The following ATN1 variants were observed in gnomAD, a reference collection of about 807,000 sequenced individuals.
ATN1 encodes atrophin 1, also known as atrophin-1.
ATN1 carries 19 observed loss-of-function variants against 85.8 expected under a neutral mutation model. The observed-to-expected ratio is 0.22, with a 90% CI of 0.15 to 0.32. ATN1 has a LOEUF of 0.32. Ranked by LOEUF, ATN1 falls within the 10% of genes least tolerant of loss-of-function variation. ATN1 has a pLI of 1.00. For missense variants in ATN1, 1,453 were observed against 1,564.5 expected, an observed-to-expected ratio of 0.93 and a Z score of 1.20; for synonymous variants, 674 against 657.0, an observed-to-expected ratio of 1.03 and a Z score of -0.39.
rs1945636269 is a variant in ATN1, at chr12:6,941,611, G to A, written c.3539+57G>A. 1 of 1,606,528 alleles carries A rather than the reference G, an allele frequency of 6.2e-7. No individual in the cohort carries two copies. The highest frequency in any genetic ancestry group is 1.3e-5 in the African/African-American group (1 of 74,728). On this transcript the variant is annotated intron_variant, in intron 9 of 9. Coordinates refer to ENST00000396684, the MANE Select transcript of ATN1 (RefSeq NM_001940.4). The surrounding 1 kb of genome is among the most constrained non-coding windows in gnomAD (Gnocchi z 5.9). ...GGGCTCAGCGAGCCTGGGAGGAGCT[G>A]TGGGCATGGTACGGCTGGGCACCGT...
Position 6,941,818 on chromosome 12 carries a change from G to A in ATN1, c.*38G>A. 1 of 1,609,842 alleles carries A rather than the reference G, an allele frequency of 6.2e-7. No individual in the cohort carries two copies. On this transcript the variant is annotated 3_prime_UTR_variant, in exon 10 of 10. Coordinates refer to ENST00000396684, the MANE Select transcript of ATN1 (RefSeq NM_001940.4). This position sits in a 1 kb window ranked among gnomAD's most constrained non-coding sequence, Gnocchi z 5.9. ...AGAGAGCACCATGGCTCCTACATTG[G>A]ACCTTGGAGCACCCCCACCCTCCCC...
chr12:6,927,523 C>T (rs1051520652), upstream of ATN1, among the ~76,000 whole-genome samples: 3 of 152,020 alleles, frequency 2.0e-5, no homozygotes, highest in Admixed American at 6.5e-5. Flanking sequence ...ACAGCCCCTC[C>T]TACCTAGCCC....
chr12:6,934,359 G>A lies in ATN1; in HGVS notation c.165+46G>A. Reference sequence around the variant, plus strand: ...CCCACAGGATGCCCAAGGCACTGGGGCTGAGGGTGTGTGTGTGTTGTGGGG... The same window carrying A: ...CCCACAGGATGCCCAAGGCACTGGGACTGAGGGTGTGTGTGTGTTGTGGGG... On this transcript the variant is annotated intron_variant, in intron 3 of 9. Transcript: ENST00000396684. This position sits in a 1 kb window ranked among gnomAD's most constrained non-coding sequence, Gnocchi z 4.5. 6 of 1,590,622 alleles carry A rather than the reference G, an allele frequency of 3.8e-6. No homozygotes were observed. Among genetic ancestry groups the A allele is most frequent in the Non-Finnish European group, 4.3e-6 (5 of 1,168,740 alleles).
chr12:6,931,318 T>G (rs782702306), intron 1 of ATN1, among the ~76,000 whole-genome samples: 9 of 149,184 alleles, frequency 6.0e-5, no homozygotes, highest in African/African-American at 2.0e-4. Context: ...ATGGTGGGTG[T>G]TGTTCTTCGG....
intron 7 of ATN1, among the ~76,000 whole-genome samples, 153 bp downstream of exon 7, chr12:6,939,330 C>G (rs781931369): frequency 6.6e-6 from 1 of 152,356 alleles, no homozygotes; most frequent in African/African-American, 2.4e-5. Flanking sequence ...CCCTGACGTT[C>G]TCTCAGCCTT....
chr12:6,928,878 C>T (rs1254679722), intron 1 of ATN1, among the ~76,000 whole-genome samples: 1 of 151,912 alleles, frequency 6.6e-6, no homozygotes, highest in Non-Finnish European at 1.5e-5. Context: ...TAGGAATAGA[C>T]GGGAAGTGGG....
chr12:6,936,666 G>A lies in ATN1; in HGVS notation c.1399G>A (p.Gly467Arg). 8 of 1,613,250 alleles carry A rather than the reference G, an allele frequency of 5.0e-6. No individual in the cohort carries two copies. Among genetic ancestry groups the A allele is most frequent in the Non-Finnish European group, 6.8e-6 (8 of 1,179,870 alleles). Residue 467 changes from glycine to arginine, a missense_variant, in exon 5 of 10, where the codon GGG becomes AGG. Physicochemically the swap from Gly to Arg is moderately radical, Grantham distance 125 (BLOSUM62 -2). Around this residue, in one of 6 missense-constraint regions of ATN1, gnomAD observed 990 missense variants for 914.8 expected, o/e 1.08. Coordinates refer to ENST00000396684, the MANE Select transcript of ATN1 (RefSeq NM_001940.4). ...TCCAGGCCCCTTCCCTCCCTCTACT[G>A]GGGCCCAGTCCACCGCCCACCCACC... is the stretch of plus-strand genomic sequence containing the variant. Reference protein sequence around the residue: ...AHPGPFPPSTGAQSTAHPPVS... With the variant: ...AHPGPFPPSTRAQSTAHPPVS...
chr12:6,937,887 C>T lies in ATN1; in HGVS notation c.2337C>T (p.Arg779=). 1 of 1,593,440 alleles carries T rather than the reference C, an allele frequency of 6.3e-7. No individual in the cohort carries two copies. Among genetic ancestry groups the T allele is most frequent in the Non-Finnish European group, 8.5e-7 (1 of 1,170,930 alleles). The change falls in exon 6 of 10, where the codon CGC becomes CGT. Residue 779 remains arginine (R), a synonymous_variant. Coordinates refer to ENST00000396684, the MANE Select transcript of ATN1 (RefSeq NM_001940.4). The surrounding 1 kb of genome is among the most constrained non-coding windows in gnomAD (Gnocchi z 6.0). ...ATCGCGGCTTCAACTCGTGCGCGCG[C>T]AGCGACCTGTACTTCGTGCCACTGG... is the stretch of plus-strand genomic sequence containing the variant. ...HLDRGFNSCA[R]SDLYFVPLEG...
At position 6,937,366 on chromosome 12, in the gene ATN1, C is replaced by G; in HGVS notation, c.2099C>G (p.Ala700Gly). Reference protein sequence around the residue: ...PTVGPGPLPPAGPSGLPSLPP... With the variant: ...PTVGPGPLPPGGPSGLPSLPP... ...GTGGGACCTGGGCCCCTGCCACCTG[C>G]GGGGCCCTCAGGCCTGCCATCGCTG... The change falls in exon 5 of 10, where the codon GCG becomes GGG. Residue 700 changes from alanine to glycine, a missense_variant. Coordinates refer to ENST00000396684, the MANE Select transcript of ATN1 (RefSeq NM_001940.4). This position sits in a 1 kb window ranked among gnomAD's most constrained non-coding sequence, Gnocchi z 6.0. 1 of 1,550,908 alleles carries G rather than the reference C, an allele frequency of 6.4e-7. No homozygotes were observed.
chr12:6,937,602 A>G lies in ATN1; in HGVS notation c.2294+41A>G, dbSNP rs1163467796. On this transcript the variant is annotated intron_variant, in intron 5 of 9. Coordinates refer to ENST00000396684, the MANE Select transcript of ATN1 (RefSeq NM_001940.4). This position sits in a 1 kb window ranked among gnomAD's most constrained non-coding sequence, Gnocchi z 6.0. ...GGGCGGAGGTGGGCCTGGAAAGGGG[A>G]CGACGACAAGGCGGCGACGAGAGAG... 6.9e-7 allele frequency: 1 copy of G among 1,459,826 alleles called. No individual in the cohort carries two copies. The highest frequency in any genetic ancestry group is 2.5e-5 in the East Asian group (1 of 40,322). The allele number at this position is 1,459,826 out of a possible 1,614,324, so 90.4% of individuals were successfully genotyped here.
chr12:6,933,394 G>C (rs781799356), intron 1 of ATN1, among the ~76,000 whole-genome samples: 2 of 151,928 alleles, frequency 1.3e-5, no homozygotes, highest in African/African-American at 4.8e-5. Flanking sequence ...GTTTCACCAT[G>C]TTGGCTAGGC....
upstream of ATN1, among the ~76,000 whole-genome samples, chr12:6,927,747 C>T (rs1945412879): frequency 6.6e-6 from 1 of 151,898 alleles, no homozygotes; most frequent in South Asian, 2.1e-4. Flanking sequence ...CCTCCTTCTC[C>T]CTCTTCCTCC....
rs118174287 is a variant in ATN1, at chr12:6,941,905, G to T, written c.*125G>T. The T allele has an allele frequency of 6.3e-6, 6 of 945,778 alleles. No homozygotes were observed. Among genetic ancestry groups the T allele is most frequent in the Non-Finnish European group, 8.5e-6 (5 of 591,400 alleles). The allele number at this position is 945,778 out of a possible 1,614,324, so 58.6% of individuals were successfully genotyped here. A position where few individuals can be genotyped will look rare whatever the true frequency, so the allele number is the denominator to read the frequency against. ...GGTGCTGCTCAGTTGCAGGGCCTCCGCAGCTGGACAGAGAGTGGGGGAGGG... is the reference window on the plus strand; with the variant it reads ...GGTGCTGCTCAGTTGCAGGGCCTCCTCAGCTGGACAGAGAGTGGGGGAGGG... On this transcript the variant is annotated 3_prime_UTR_variant, in exon 10 of 10. Coordinates refer to ENST00000396684, the MANE Select transcript of ATN1 (RefSeq NM_001940.4). The surrounding 1 kb of genome is among the most constrained non-coding windows in gnomAD (Gnocchi z 5.9).
intron 7 of ATN1, among the ~76,000 whole-genome samples, chr12:6,940,139 G>C (rs1945615213): frequency 6.6e-6 from 1 of 152,218 alleles, no homozygotes; most frequent in East Asian, 1.9e-4. Flanking sequence ...CTGCAGGCGT[G>C]TGCCACCAAG....
At chr12:6,924,880 C>A (rs1487260998), upstream of ATN1, among the ~76,000 whole-genome samples, 1 of 152,122 alleles carries the variant, frequency 6.6e-6, no homozygotes, top group East Asian at 1.9e-4. Flanking sequence ...GAGCCTAGTT[C>A]CTAGCCTCTG....
intron 7 of ATN1, 135 bp from the exon 8 acceptor site, chr12:6,940,745 C>A: frequency 9.2e-7 from 1 of 1,086,284 alleles, no homozygotes; most frequent in South Asian, 1.3e-5. Context: ...CTAGTTCTTC[C>A]ACTCTGCCTT....
At position 6,937,451 on chromosome 12, in the gene ATN1, G is replaced by A; in HGVS notation, c.2184G>A (p.Gln728=). Reference sequence around the variant, plus strand: ...CCCTGAGCGCCACGCAGATCAAACAGGAGCCGGCTGAGGAGTATGAGACCC... The same window carrying A: ...CCCTGAGCGCCACGCAGATCAAACAAGAGCCGGCTGAGGAGTATGAGACCC... ...GPPLSATQIK[Q]EPAEEYETPE... is the part of the protein sequence containing the mutation. Residue 728 remains glutamine (Q), a synonymous_variant, in exon 5 of 10, where the codon CAG becomes CAA. Coordinates refer to ENST00000396684, the MANE Select transcript of ATN1 (RefSeq NM_001940.4). The surrounding 1 kb of genome is among the most constrained non-coding windows in gnomAD (Gnocchi z 6.0). 3.9e-6 allele frequency: 6 copies of A among 1,546,948 alleles called. No homozygotes were observed. Among genetic ancestry groups the A allele is most frequent in the Non-Finnish European group, 5.2e-6 (6 of 1,147,196 alleles).
Position 6,934,777 on chromosome 12 carries a change from G to A in ATN1, c.279+199G>A, listed in dbSNP as rs1247336310. 6.6e-6 allele frequency among the ~76,000 whole-genome samples: 1 copy of A among 152,252 alleles called. No homozygotes were observed. Among genetic ancestry groups the A allele is most frequent in the Non-Finnish European group, 1.5e-5 (1 of 68,042 alleles). ...ACAGACCACCAGATGACCAGGCAGG[G>A]CCAAAGGGGACCAGAAGAGTTGGGG... On this transcript the variant is annotated intron_variant, in intron 4 of 9. Transcript: ENST00000396684. The surrounding 1 kb of genome is among the most constrained non-coding windows in gnomAD (Gnocchi z 4.5).
chr12:6,937,118 C>G lies in ATN1; in HGVS notation c.1851C>G (p.Val617=). ...VTTSSATLST[V]IATVASSPAG... ...CCTCTTCGGCTACCCTTTCCACGGT[C>G]ATTGCCACCGTGGCTTCCTCGCCAG... The change falls in exon 5 of 10, where the codon GTC becomes GTG. Residue 617 remains valine, a synonymous_variant. Coordinates refer to ENST00000396684, the MANE Select transcript of ATN1 (RefSeq NM_001940.4). This position sits in a 1 kb window ranked among gnomAD's most constrained non-coding sequence, Gnocchi z 6.0. 6.2e-7 allele frequency: 1 copy of G among 1,611,810 alleles called. No individual in the cohort carries two copies. Among genetic ancestry groups the G allele is most frequent in the South Asian group, 1.1e-5 (1 of 91,084 alleles).
Sources: gnomAD v4.1 joint callset for allele counts (sites outside exome capture counted in the v4.1 genomes callset) on GRCh38, gnomAD v4.1.1 for gene constraint, gnomAD v4.1.1 regional missense constraint, Gnocchi (gnomAD v3.1) non-coding constraint, MANE v1.5 for transcripts, NCBI Gene and HGNC (gene_info 2026-07-23, HGNC 2026-07-21) for gene names.